Variants in CD2AP observed in about 807,000 individuals in gnomAD.
CD2AP encodes CD2 associated protein.
Under a neutral mutation model 85.1 loss-of-function variants are expected in CD2AP, and 46 were observed. The observed-to-expected ratio is 0.54, with a 90% CI of 0.43 to 0.69. The LOEUF is 0.69. Ranked by LOEUF, CD2AP falls within the 30% of genes least tolerant of loss-of-function variation. The probability of loss-of-function intolerance (pLI) is 0.00; values close to 1 mark genes in which losing one functional copy is unlikely to be tolerated. For synonymous variants in CD2AP, 255 were observed against 252.9 expected, an observed-to-expected ratio of 1.01 and a Z score of -0.08; for missense variants, 769 against 729.5, an observed-to-expected ratio of 1.05 and a Z score of -0.62.
At chr6:47,622,094 G>A (rs113994250) in intron 17 of CD2AP, among the ~76,000 whole-genome samples, 2,373 of 152,266 alleles carry the variant, frequency 0.016, 42 homozygotes, top group African/African-American at 0.038. Flanking sequence ...GGCTGCCTAT[G>A]CTGAATCATG....
chr6:47,541,641 T>C (rs1412053858), intron 3 of CD2AP, among the ~76,000 whole-genome samples: 1 of 152,192 alleles, frequency 6.6e-6, no homozygotes, highest in Non-Finnish European at 1.5e-5. Flanking sequence ...GGGGGTGAAG[T>C]TAGATTACTT....
At chr6:47,496,985 C>T (rs1156397898) in intron 1 of CD2AP, among the ~76,000 whole-genome samples, 1 of 152,072 alleles carries the variant, frequency 6.6e-6, no homozygotes, top group Non-Finnish European at 1.5e-5. Context: ...TACGAACCTC[C>T]CTCTCTCAAT....
Position 47,579,475 on chromosome 6 carries a change from G to C in CD2AP, c.994G>C (p.Asp332His). Reference protein sequence around the residue: ...DNFAVQINELDKDFPKPKKPP... With the variant: ...DNFAVQINELHKDFPKPKKPP... Reference sequence around the variant, plus strand: ...TTTTGCTGTCCAGATAAATGAACTTGATAAAGACTTTCCAGTAAGCTTTTG... The same window carrying C: ...TTTTGCTGTCCAGATAAATGAACTTCATAAAGACTTTCCAGTAAGCTTTTG... Residue 332 changes from aspartate to histidine, a missense_variant, in exon 9 of 18, where the codon GAT becomes CAT. Asp to His is a moderately conservative substitution (Grantham distance 81, BLOSUM62 -1). Transcript: ENST00000359314. 6.3e-7 allele frequency: 1 copy of C among 1,594,900 alleles called. No homozygotes were observed. Among genetic ancestry groups the C allele is most frequent in the Non-Finnish European group, 8.6e-7 (1 of 1,162,538 alleles).
intron 6 of CD2AP, 111 bp from the exon 7 acceptor site, chr6:47,576,413 T>G: frequency 1.3e-6 from 1 of 778,736 alleles, no homozygotes; most frequent in Middle Eastern, 3.3e-4. Context: ...ATTACTATCC[T>G]AGCTATAAGT....
chr6:47,530,326 A>G (rs1766840902), intron 2 of CD2AP, among the ~76,000 whole-genome samples: 2 of 152,210 alleles, frequency 1.3e-5, no homozygotes, highest in Non-Finnish European at 2.9e-5. Context: ...CAGAGGCTCT[A>G]TGTGTTTATC....
chr6:47,534,493 G>T (rs1408546725), intron 3 of CD2AP, among the ~76,000 whole-genome samples: 2 of 152,098 alleles, frequency 1.3e-5, no homozygotes, highest in Non-Finnish European at 2.9e-5. Flanking sequence ...GATCACCTGA[G>T]GTCAGGAGTT....
intron 2 of CD2AP, among the ~76,000 whole-genome samples, chr6:47,526,398 G>C (rs1766729190): frequency 2.0e-5 from 3 of 152,142 alleles, no homozygotes; most frequent in Admixed American, 6.5e-5. Flanking sequence ...TAACATCTCA[G>C]TTGGCAGTAT....
chr6:47,611,240 C>A (rs932314721), intron 16 of CD2AP, among the ~76,000 whole-genome samples: 1 of 151,188 alleles, frequency 6.6e-6, no homozygotes, highest in Non-Finnish European at 1.5e-5. Flanking sequence ...AGCATACACG[C>A]AATCAGTGTA....
At chr6:47,547,569 C>A (rs565773676) in intron 4 of CD2AP, among the ~76,000 whole-genome samples, 1 of 151,840 alleles carries the variant, frequency 6.6e-6, no homozygotes, top group East Asian at 1.9e-4. Flanking sequence ...GATAGTAAGA[C>A]AATAATAGTG....
intron 13 of CD2AP, among the ~76,000 whole-genome samples, chr6:47,601,403 C>G (rs988500793): frequency 1.3e-5 from 2 of 151,996 alleles, no homozygotes; most frequent in African/African-American, 4.8e-5. Flanking sequence ...ATTCCTTCCA[C>G]TTAATTATAC....
At chr6:47,482,061 G>A (rs1038962912) in intron 1 of CD2AP, among the ~76,000 whole-genome samples, 2 of 152,176 alleles carry the variant, frequency 1.3e-5, no homozygotes. Flanking sequence ...ACCTGGCCTG[G>A]ATAAAATCTT....
intron 1 of CD2AP, among the ~76,000 whole-genome samples, chr6:47,493,078 C>T (rs1765774917): frequency 1.3e-5 from 2 of 152,100 alleles, no homozygotes; most frequent in Non-Finnish European, 2.9e-5. Context: ...TCATGCAATA[C>T]ATTGTTACTA....
Position 47,624,999 on chromosome 6 carries a change from T to C in CD2AP, c.*772T>C, listed in dbSNP as rs1425731971. 1 of 152,002 alleles carries C rather than the reference T, an allele frequency of 6.6e-6. No individual in the cohort carries two copies. Among genetic ancestry groups the C allele is most frequent in the Middle Eastern group, 3.2e-3 (1 of 316 alleles). 9.4% of individuals were successfully genotyped at this position (152,002 alleles called of 1,614,324 possible). ...TAAACATTTGGGGAAATATGAACTGTATTTTAAATTTGTTAGGTCTGAAGA... is the reference window on the plus strand; with the variant it reads ...TAAACATTTGGGGAAATATGAACTGCATTTTAAATTTGTTAGGTCTGAAGA... On this transcript the variant is annotated 3_prime_UTR_variant, in exon 18 of 18. Coordinates refer to ENST00000359314, the MANE Select transcript of CD2AP (RefSeq NM_012120.3).
intron 2 of CD2AP, among the ~76,000 whole-genome samples, chr6:47,511,049 G>C (rs1038840380): frequency 7.7e-6 from 1 of 129,624 alleles, no homozygotes; most frequent in Non-Finnish European, 1.6e-5. Context: ...CCCCAGCCTG[G>C]TGACAGAGTG....
At chr6:47,589,379 T>TACACACACACACACACACAC (rs1554182232) in intron 11 of CD2AP, among the ~76,000 whole-genome samples, 196 of 139,420 alleles carry the variant, frequency 1.4e-3, no homozygotes, top group African/African-American at 3.8e-3. Flanking sequence ...CTCTTGAATA[T>TACACACACACACACACACAC]ACACACACAC....
At chr6:47,614,079 A>G (rs1440368176) in intron 17 of CD2AP, among the ~76,000 whole-genome samples, 2 of 152,234 alleles carry the variant, frequency 1.3e-5, no homozygotes, top group Non-Finnish European at 2.9e-5. Context: ...GAAATGTTAC[A>G]GTTGGTTAGA....
intron 4 of CD2AP, among the ~76,000 whole-genome samples, chr6:47,554,210 C>T (rs1767612383): frequency 6.6e-6 from 1 of 152,090 alleles, no homozygotes; most frequent in East Asian, 1.9e-4. Flanking sequence ...CGTGCCTGGC[C>T]AGGAAGTTAT....
chr6:47,484,351 C>CTTT (rs35006084), intron 1 of CD2AP, among the ~76,000 whole-genome samples: 4 of 141,300 alleles, frequency 2.8e-5, no homozygotes, highest in African/African-American at 1.0e-4. Context: ...GATATTACCT[C>CTTT]TTTTTTTTTT....
rs972766858 is a variant in CD2AP at position 47,609,357 on chromosome 6, AT to A, written c.1814+60del. The A allele has an allele frequency of 2.8e-6, 4 of 1,404,588 alleles. No individual in the cohort carries two copies. The African/African-American group carries it at 4.2e-5, about 15-fold the overall frequency. 87.0% of individuals were successfully genotyped at this position (1,404,588 alleles called of 1,614,324 possible). On this transcript the variant is annotated intron_variant, in intron 16 of 17. Coordinates refer to ENST00000359314, the MANE Select transcript of CD2AP (RefSeq NM_012120.3). The stretch of plus-strand genomic sequence containing the variant: ...GTACTACTTAACCCATGCATAAAGA[AT>A]TTTTTTCAAACCATATTAAGTAAAA...
Sources: allele counts gnomAD v4.1 joint callset (sites outside exome capture counted in the v4.1 genomes callset), GRCh38; gene constraint gnomAD v4.1.1; transcripts MANE v1.5; gene names NCBI Gene and HGNC (gene_info 2026-07-23, HGNC 2026-07-21).